The following KDM1B variants were observed in gnomAD, a reference collection of about 807,000 sequenced individuals.
KDM1B encodes lysine demethylase 1B, also known as lysine-specific histone demethylase 2.
In KDM1B, 63 loss-of-function variants were observed where a neutral mutation model predicts 107.4. That is an observed-to-expected ratio of 0.59 (90% CI 0.48 to 0.72). The LOEUF (loss-of-function observed/expected upper bound fraction) is 0.72, where lower values mean the gene tolerates loss of function less well. Among genes scored for constraint, KDM1B ranks in the 30% least tolerant of loss-of-function variants. The pLI, the probability that KDM1B is intolerant of heterozygous loss-of-function variation, is 0.00. For missense variants in KDM1B, 749 were observed against 1,020.8 expected (o/e 0.73, Z 3.63); for synonymous variants, 363 against 363.9 (o/e 1.00, Z 0.03).
At position 18,162,239 on chromosome 6, in the gene KDM1B, T is replaced by G. The variant is rs1785019435; in HGVS notation, c.216-596T>G. Among the ~76,000 whole-genome samples the G allele has an allele frequency of 6.6e-6, 1 of 152,162 alleles. No individual in the cohort carries two copies. The highest frequency in any genetic ancestry group is 1.5e-5 in the Non-Finnish European group (1 of 68,034). ...AGGAGGCTGAGGCATGAGAATCGCT[T>G]GAACCCAGGAGGCAGAGGTTGCAAT... On this transcript the variant is annotated intron_variant, in intron 4 of 21. Transcript: ENST00000650836. This position sits in a 1 kb window ranked among gnomAD's most constrained non-coding sequence, Gnocchi z 4.1.
intron 7 of KDM1B, among the ~76,000 whole-genome samples, chr6:18,184,664 T>C (rs1267161282): frequency 6.6e-6 from 1 of 151,704 alleles, no homozygotes; most frequent in African/African-American, 2.4e-5. Flanking sequence ...CAGCATGCCA[T>C]TGTTTGACTA....
At chr6:18,181,667 G>A (rs1189254652) in intron 7 of KDM1B, among the ~76,000 whole-genome samples, 2 of 152,066 alleles carry the variant, frequency 1.3e-5, no homozygotes, top group Non-Finnish European at 1.5e-5. Context: ...GATCTCTTGA[G>A]CCCATGAGGT....
At chr6:18,161,485 T>C (rs755758997) in intron 4 of KDM1B, 31 bp downstream of exon 4, 1 of 1,609,356 alleles carries the variant, frequency 6.2e-7, no homozygotes, top group Admixed American at 1.7e-5. Context: ...TGGCCTCCCA[T>C]TTCTGCTTGT....
Position 18,160,606 on chromosome 6 carries a change from C to T in KDM1B, c.87+624C>T, listed in dbSNP as rs999462459. ...GCAAAAAATTAGCTGGGTGTGGTGG[C>T]GGGCGCCTGTAGTCTCAGCTACTCG... is the stretch of plus-strand genomic sequence containing the variant. On this transcript the variant is annotated intron_variant, in intron 3 of 21. Transcript: ENST00000650836. Among the ~76,000 whole-genome samples the T allele has an allele frequency of 9.2e-5, 14 of 151,868 alleles. No homozygotes were observed. The East Asian group carries it at 1.8e-3, about 19-fold the overall frequency.
chr6:18,201,858 TACAC>T lies in KDM1B; in HGVS notation c.1531+213_1531+216del, dbSNP rs377076705. Among the ~76,000 whole-genome samples the T allele has an allele frequency of 3.3e-5, 5 of 151,300 alleles. No individual in the cohort carries two copies. The highest frequency in any genetic ancestry group is 7.3e-5 in the African/African-American group (3 of 41,270). On this transcript the variant is annotated intron_variant, in intron 14 of 21. Coordinates refer to ENST00000650836, the MANE Select transcript of KDM1B (RefSeq NM_001364614.2). This position sits in a 1 kb window ranked among gnomAD's most constrained non-coding sequence, Gnocchi z 4.3. The stretch of plus-strand genomic sequence containing the variant: ...GGGAGGCTTAGATGCTTGTGTTGTG[TACAC>T]ACACACACACAGACCTTACTTTACA...
chr6:18,216,256 T>G (rs899797045), intron 20 of KDM1B, among the ~76,000 whole-genome samples: 1 of 152,090 alleles, frequency 6.6e-6, no homozygotes, highest in Non-Finnish European at 1.5e-5. Context: ...AATTTTTGTA[T>G]TTTTGGTAGA....
At chr6:18,185,833 GA>G in intron 8 of KDM1B, 23 bp downstream of exon 8, 1 of 1,610,770 alleles carries the variant, frequency 6.2e-7, no homozygotes, top group Non-Finnish European at 8.5e-7. Flanking sequence ...GGATGGTGTG[GA>G]TTGGGGTTAA....
intron 9 of KDM1B, among the ~76,000 whole-genome samples, chr6:18,188,824 C>T (rs1386633718): frequency 4.0e-5 from 6 of 150,916 alleles, no homozygotes; most frequent in African/African-American, 1.5e-4. Flanking sequence ...CAGTCTGTCA[C>T]CCAGGCTGGA....
At position 18,205,552 on chromosome 6, in the gene KDM1B, T is replaced by G. The variant is rs1788309568; in HGVS notation, c.1547T>G (p.Ile516Ser). The change falls in exon 15 of 22, where the codon ATC (isoleucine) becomes AGC (serine). Residue 516 changes from isoleucine (I) to serine (S), a missense_variant. Transcript: ENST00000650836. This position sits in a 1 kb window ranked among gnomAD's most constrained non-coding sequence, Gnocchi z 5.7. The stretch of plus-strand genomic sequence containing the variant: ...CCCATTACAGAAAAGATAGAAGAAA[T>G]CTACAAGGCATTTATTAAGGAATCT... ...DVPLGEKIEE[I>S]YKAFIKESGI... The G allele has an allele frequency of 2.6e-6, 4 of 1,547,142 alleles. No homozygotes were observed. Among genetic ancestry groups the G allele is most frequent in the Non-Finnish European group, 3.5e-6 (4 of 1,145,218 alleles).
intron 2 of KDM1B, among the ~76,000 whole-genome samples, chr6:18,156,647 AATTCAATATTGAATT>A (rs1270885169): frequency 1.3e-5 from 2 of 152,074 alleles, no homozygotes; most frequent in Non-Finnish European, 2.9e-5. Flanking sequence ...AATATTGAAT[AATTCAATATTGAATT>A]ATTCAATATT....
rs1017117820 is a variant in KDM1B at position 18,213,289 on chromosome 6, C to T, written c.1984-367C>T. ...TCATCTCTACTAAAAATACAAAATT[C>T]GCTGGGCGTGGTGGTGTGCACCTGT... On this transcript the variant is annotated intron_variant, in intron 18 of 21. Coordinates refer to ENST00000650836, the MANE Select transcript of KDM1B (RefSeq NM_001364614.2). This position sits in a 1 kb window ranked among gnomAD's most constrained non-coding sequence, Gnocchi z 5.9. 2.8e-4 allele frequency among the ~76,000 whole-genome samples: 43 copies of T among 151,942 alleles called. No individual in the cohort carries two copies. Among genetic ancestry groups the T allele is most frequent in the Admixed American group, 2.2e-3 (34 of 15,260 alleles).
chr6:18,167,950 C>G (rs1372887374), intron 6 of KDM1B, among the ~76,000 whole-genome samples: 1 of 151,414 alleles, frequency 6.6e-6, no homozygotes, highest in African/African-American at 2.4e-5. Context: ...TTTATAGAGA[C>G]AGGACTCGAT....
At position 18,197,164 on chromosome 6, in the gene KDM1B, AG is replaced by A; in HGVS notation, c.1079del (p.Gly360ValfsTer36). ...ERILYFMTRK[G>X]LINTGVLSVG... ...GAATACTGTATTTTATGACCAGAAA[AG>A]GTCTCATCAACACTGGAGTTCTCAG... is the stretch of plus-strand genomic sequence containing the variant. On this transcript the variant is annotated frameshift_variant, in exon 11 of 22. Transcript: ENST00000650836. LOFTEE classifies it high-confidence loss of function. The surrounding 1 kb of genome is among the most constrained non-coding windows in gnomAD (Gnocchi z 4.5). 1 of 1,614,156 alleles carries A rather than the reference AG, an allele frequency of 6.2e-7. No homozygotes were observed. Among genetic ancestry groups the A allele is most frequent in the Non-Finnish European group, 8.5e-7 (1 of 1,180,002 alleles).
rs375488580 is a variant in KDM1B, at chr6:18,161,697, A to C, written c.215+243A>C. Among the ~76,000 whole-genome samples, 336 of 152,242 alleles carry C rather than the reference A, an allele frequency of 2.2e-3. 2 individuals carry two copies. Among genetic ancestry groups the C allele is most frequent in the African/African-American group, 7.5e-3 (310 of 41,550 alleles). ...TCAATTTTGCAACACAGTGTCCTCA[A>C]ATCCAGCCAACCATATCTACCTCTC... is the stretch of plus-strand genomic sequence containing the variant. On this transcript the variant is annotated intron_variant, in intron 4 of 21. Coordinates refer to ENST00000650836, the MANE Select transcript of KDM1B (RefSeq NM_001364614.2).
intron 21 of KDM1B, among the ~76,000 whole-genome samples, chr6:18,221,546 G>T (rs1211884783): frequency 6.6e-6 from 1 of 152,174 alleles, no homozygotes; most frequent in African/African-American, 2.4e-5. Flanking sequence ...AAGTCCATCT[G>T]TGGCTTGGCT....
In KDM1B at chr6:18,189,609, A is replaced by G. The variant is rs543867157; in HGVS notation, c.785-1588A>G. 1.1e-4 allele frequency among the ~76,000 whole-genome samples: 17 copies of G among 152,366 alleles called. 1 individual carries two copies. Among genetic ancestry groups the G allele is most frequent in the African/African-American group, 1.4e-4 (6 of 41,594 alleles). On this transcript the variant is annotated intron_variant, in intron 9 of 21. Coordinates refer to ENST00000650836, the MANE Select transcript of KDM1B (RefSeq NM_001364614.2). ...ACAGCCATTGAATGCATATTTAGTG[A>G]CACAGGAAAGTATTCATGGTATTGT... is the stretch of plus-strand genomic sequence containing the variant.
chr6:18,161,000 C>T (rs1784936687), intron 3 of KDM1B, among the ~76,000 whole-genome samples: 1 of 151,870 alleles, frequency 6.6e-6, no homozygotes, highest in Non-Finnish European at 1.5e-5. Flanking sequence ...GTGATCCTTC[C>T]ACCTCAGCCA....
intron 10 of KDM1B, among the ~76,000 whole-genome samples, chr6:18,196,708 A>G (rs1787675899): frequency 6.6e-6 from 1 of 152,200 alleles, no homozygotes; most frequent in African/African-American, 2.4e-5. Context: ...TTCCTACACA[A>G]TATTATGTAA....
At chr6:18,177,805 G>T (rs1364713795) in intron 7 of KDM1B, among the ~76,000 whole-genome samples, 1 of 151,818 alleles carries the variant, frequency 6.6e-6, no homozygotes, top group Non-Finnish European at 1.5e-5. Context: ...GTTTTAATTG[G>T]GACATAGCCA....
Sources: gnomAD v4.1 joint callset for allele counts (sites outside exome capture counted in the v4.1 genomes callset) on GRCh38, gnomAD v4.1.1 for gene constraint, Gnocchi (gnomAD v3.1) non-coding constraint, MANE v1.5 for transcripts, NCBI Gene and HGNC (gene_info 2026-07-23, HGNC 2026-07-21) for gene names.